Variants in CFHR1 observed in about 807,000 individuals in gnomAD.
The protein encoded by CFHR1 is complement factor H-related protein 1.
In CFHR1, 22 loss-of-function variants were observed where a neutral mutation model predicts 30.4. That is an observed-to-expected ratio of 0.72 (90% CI 0.52 to 1.03). The LOEUF is 1.03. Among genes scored for constraint, CFHR1 ranks in the 50% least tolerant of loss-of-function variants. The probability of loss-of-function intolerance (pLI) is 0.00; values close to 1 mark genes in which losing one functional copy is unlikely to be tolerated. For missense variants in CFHR1, 248 were observed against 380.6 expected (o/e 0.65, Z 2.90); for synonymous variants, 95 against 129.1 (o/e 0.74, Z 1.79).
rs1392170068 is a variant in CFHR1, at chr1:196,826,769, G to A, written c.254-60G>A. On this transcript the variant is annotated intron_variant, in intron 2 of 5. Coordinates refer to ENST00000320493, the MANE Select transcript of CFHR1 (RefSeq NM_002113.3). ...CCGGTTTATTAAAATATTTTAAAATGCAGTTGTACTTTTTCTTTGCTACTT... is the reference window on the plus strand; with the variant it reads ...CCGGTTTATTAAAATATTTTAAAATACAGTTGTACTTTTTCTTTGCTACTT... 5.1e-6 allele frequency: 7 copies of A among 1,363,688 alleles called. 1 individual carries two copies. In the African/African-American group the frequency reaches 7.4e-5, roughly 14 times the overall value. The allele number at this position is 1,363,688 out of a possible 1,614,324, so 84.5% of individuals were successfully genotyped here.
At position 196,823,101 on chromosome 1, in the gene CFHR1, ATGTGTGTG is replaced by A. The variant is rs778697156; in HGVS notation, c.59-2350_59-2343del. On this transcript the variant is annotated intron_variant, in intron 1 of 5. Transcript: ENST00000320493. ...TACGACTGTATATATATATATATAT[ATGTGTGTG>A]TGTGTGTGTGTGTGTGTGTGTGTGT... is the stretch of plus-strand genomic sequence containing the variant. Among the ~76,000 whole-genome samples the A allele has an allele frequency of 8.5e-4, 40 of 47,060 alleles. 9 individuals are homozygous for A. The highest frequency in any genetic ancestry group is 4.3e-3 in the African/African-American group (39 of 9,094). The allele number at this position is 47,060 out of a possible 152,430, so 30.9% of individuals were successfully genotyped here.
At chr1:196,823,083 G>GTATATA (rs533753280) in intron 1 of CFHR1, among the ~76,000 whole-genome samples, 2 of 119,292 alleles carry the variant, frequency 1.7e-5, no homozygotes, top group Non-Finnish European at 3.4e-5. Flanking sequence ...CTGTACGACT[G>GTATATA]TATATATATA....
intron 1 of CFHR1, among the ~76,000 whole-genome samples, chr1:196,824,004 A>T (rs569936698): frequency 1.0e-5 from 1 of 98,558 alleles, no homozygotes; most frequent in African/African-American, 5.1e-5. Context: ...ATGTATGTGT[A>T]CACAAAAAAA....
rs545190395 is a variant in CFHR1, at chr1:196,828,301, T to C, written c.607+55T>C. The C allele has an allele frequency of 1.8e-5, 20 of 1,134,912 alleles. 3 individuals carry two copies. Among genetic ancestry groups the C allele is most frequent in the East Asian group, 1.1e-4 (4 of 37,464 alleles). The allele number at this position is 1,134,912 out of a possible 1,614,324, so 70.3% of individuals were successfully genotyped here. A position where few individuals can be genotyped will look rare whatever the true frequency, so the allele number is the denominator to read the frequency against. On this transcript the variant is annotated intron_variant, in intron 4 of 5. Coordinates refer to ENST00000320493, the MANE Select transcript of CFHR1 (RefSeq NM_002113.3). ...GGGGGAGTATAGCAGGGTTAAAATATGTTGATTTAAACAAAATGAAGTCAT... is the reference window on the plus strand; with the variant it reads ...GGGGGAGTATAGCAGGGTTAAAATACGTTGATTTAAACAAAATGAAGTCAT...
chr1:196,827,070 T>C (rs1199513716), intron 3 of CFHR1, 65 bp downstream of exon 3: 1 of 1,409,634 alleles, frequency 7.1e-7, no homozygotes, highest in Non-Finnish European at 9.7e-7. Flanking sequence ...AATAAATCTT[T>C]TTTACAGGTT....
chr1:196,830,810 C>T lies in CFHR1; in HGVS notation c.790+128C>T. 7 of 1,283,220 alleles carry T rather than the reference C, an allele frequency of 5.5e-6. 2 individuals carry two copies. Among genetic ancestry groups the T allele is most frequent in the Non-Finnish European group, 7.5e-6 (7 of 927,346 alleles). 79.5% of individuals were successfully genotyped at this position (1,283,220 alleles called of 1,614,324 possible). A position where few individuals can be genotyped will look rare whatever the true frequency, so the allele number is the denominator to read the frequency against. ...CTGAATGCCTGCCTACCAAAAATTTCTTTTAGAAAGTAAAGTTTAGAAATT... is the reference window on the plus strand; with the variant it reads ...CTGAATGCCTGCCTACCAAAAATTTTTTTTAGAAAGTAAAGTTTAGAAATT... On this transcript the variant is annotated intron_variant, in intron 5 of 5. Transcript: ENST00000320493.
chr1:196,828,818 T>G (rs556358067), intron 4 of CFHR1, among the ~76,000 whole-genome samples: 1 of 131,668 alleles, frequency 7.6e-6, no homozygotes, highest in Non-Finnish European at 1.6e-5. Context: ...TTTCACTATT[T>G]TACTTAGACT....
Position 196,830,386 on chromosome 1 carries a change from G to A in CFHR1, c.608-114G>A, listed in dbSNP as rs1558215640. The A allele has an allele frequency of 8.3e-6, 10 of 1,200,698 alleles. 1 individual carries two copies. Among genetic ancestry groups the A allele is most frequent in the Non-Finnish European group, 1.2e-5 (10 of 851,036 alleles). The allele number at this position is 1,200,698 out of a possible 1,614,324, so 74.4% of individuals were successfully genotyped here. A position where few individuals can be genotyped will look rare whatever the true frequency, so the allele number is the denominator to read the frequency against. On this transcript the variant is annotated intron_variant, in intron 4 of 5. Coordinates refer to ENST00000320493, the MANE Select transcript of CFHR1 (RefSeq NM_002113.3). ...CTTCCAGGACTCATTTCTTTTACCAGAAATCACAAAACTGTTGATATTATA... is the reference window on the plus strand; with the variant it reads ...CTTCCAGGACTCATTTCTTTTACCAAAAATCACAAAACTGTTGATATTATA...
At chr1:196,827,301 G>T (rs532758928) in intron 3 of CFHR1, among the ~76,000 whole-genome samples, 1 of 134,422 alleles carries the variant, frequency 7.4e-6, no homozygotes, top group East Asian at 2.0e-4. Flanking sequence ...CAAAAATGTC[G>T]AAATAGAACC....
Position 196,829,741 on chromosome 1 carries a change from A to T in CFHR1, c.608-759A>T, listed in dbSNP as rs1190714108. 1.5e-5 allele frequency among the ~76,000 whole-genome samples: 2 copies of T among 134,520 alleles called. 1 individual carries two copies. Among genetic ancestry groups the T allele is most frequent in the African/African-American group, 6.3e-5 (2 of 31,518 alleles). 88.3% of individuals were successfully genotyped at this position (134,520 alleles called of 152,430 possible). A position where few individuals can be genotyped will look rare whatever the true frequency, so the allele number is the denominator to read the frequency against. The stretch of plus-strand genomic sequence containing the variant: ...TTCAAGGTATTTTTTTCTTTTTTTA[A>T]AGTAGTTTTATTTTAATGTATATTG... On this transcript the variant is annotated intron_variant, in intron 4 of 5. Transcript: ENST00000320493.
Position 196,821,997 on chromosome 1 carries a change from T to C in CFHR1, c.58+2095T>C, listed in dbSNP as rs1358414728. Among the ~76,000 whole-genome samples, 36 of 130,248 alleles carry C rather than the reference T, an allele frequency of 2.8e-4. 10 individuals are homozygous for C. The highest frequency in any genetic ancestry group is 1.2e-3 in the African/African-American group (34 of 29,432). The allele number at this position is 130,248 out of a possible 152,430, so 85.4% of individuals were successfully genotyped here. A position where few individuals can be genotyped will look rare whatever the true frequency, so the allele number is the denominator to read the frequency against. On this transcript the variant is annotated intron_variant, in intron 1 of 5. Coordinates refer to ENST00000320493, the MANE Select transcript of CFHR1 (RefSeq NM_002113.3). Reference sequence around the variant, plus strand: ...CAACTGTAGCACAATTGTAAGTATATGTTTATCTCAATATAGAAAAGTACA... The same window carrying C: ...CAACTGTAGCACAATTGTAAGTATACGTTTATCTCAATATAGAAAAGTACA...
chr1:196,831,806 T>C lies in CFHR1; in HGVS notation c.800T>C (p.Val267Ala), dbSNP rs1323346548. The change falls in exon 6 of 6, where the codon GTA becomes GCA. Residue 267 changes from valine to alanine, a missense_variant. Val to Ala is a moderately conservative substitution (Grantham distance 64). Around this residue, in one of 3 missense-constraint regions of CFHR1, gnomAD observed 112 missense variants for 156.4 expected, o/e 0.72. Coordinates refer to ENST00000320493, the MANE Select transcript of CFHR1 (RefSeq NM_002113.3). Reference protein sequence around the residue: ...SEPPKCLHPCVISREIMENYN... With the variant: ...SEPPKCLHPCAISREIMENYN... ...TGTTTTTTATTTTCAGATCCGTGTG[T>C]AATATCCCGAGAAATTATGGAAAAT... is the stretch of plus-strand genomic sequence containing the variant. The C allele has an allele frequency of 5.2e-6, 8 of 1,524,702 alleles. No individual in the cohort carries two copies. The highest frequency in any genetic ancestry group is 1.2e-5 in the South Asian group (1 of 80,212). 94.4% of individuals were successfully genotyped at this position (1,524,702 alleles called of 1,614,324 possible). A position where few individuals can be genotyped will look rare whatever the true frequency, so the allele number is the denominator to read the frequency against.
rs1381415744 is a variant in CFHR1 at position 196,831,892 on chromosome 1, G to A, written c.886G>A (p.Ala296Thr). The change falls in exon 6 of 6, where the codon GCT (alanine) becomes ACT (threonine). Residue 296 changes from alanine to threonine, a missense_variant. Ala to Thr is a moderately conservative substitution (Grantham distance 58). Around this residue, in one of 3 missense-constraint regions of CFHR1, gnomAD observed 112 missense variants for 156.4 expected, o/e 0.72. Coordinates refer to ENST00000320493, the MANE Select transcript of CFHR1 (RefSeq NM_002113.3). ...GCTTTATTTGAGAACAGGTGAATCAGCTGAATTTGTGTGTAAACGGGGATA... is the reference window on the plus strand; with the variant it reads ...GCTTTATTTGAGAACAGGTGAATCAACTGAATTTGTGTGTAAACGGGGATA... ...QKLYLRTGESAEFVCKRGYRL... is the reference protein window; with the variant it reads ...QKLYLRTGESTEFVCKRGYRL... 4 of 1,525,424 alleles carry A rather than the reference G, an allele frequency of 2.6e-6. 1 individual carries two copies. The highest frequency in any genetic ancestry group is 3.5e-6 in the Non-Finnish European group (4 of 1,129,490). The allele number at this position is 1,525,424 out of a possible 1,614,324, so 94.5% of individuals were successfully genotyped here.
chr1:196,830,991 G>T (rs1655535158), intron 5 of CFHR1, among the ~76,000 whole-genome samples: 1 of 132,590 alleles, frequency 7.5e-6, no homozygotes, highest in African/African-American at 3.3e-5. Flanking sequence ...ATAATAACCG[G>T]CATGGTGACG....
chr1:196,826,158 G>A, intron 2 of CFHR1: 1 of 140,650 alleles, frequency 7.1e-6, no homozygotes, highest in East Asian at 1.8e-4. Context: ...AATGATAACA[G>A]GTGTATTAAA....
In CFHR1 at chr1:196,824,615, G is replaced by T. The variant is rs1432816820; in HGVS notation, c.59-862G>T. On this transcript the variant is annotated intron_variant, in intron 1 of 5. Transcript: ENST00000320493. ...TTATAATACCTAATACAATGTAAATGCTGTAAAAATAGTTGTTATATTGTA... is the reference window on the plus strand; with the variant it reads ...TTATAATACCTAATACAATGTAAATTCTGTAAAAATAGTTGTTATATTGTA... Among the ~76,000 whole-genome samples, 2 of 130,350 alleles carry T rather than the reference G, an allele frequency of 1.5e-5. 1 individual carries two copies. The highest frequency in any genetic ancestry group is 6.7e-5 in the African/African-American group (2 of 29,750). The allele number at this position is 130,350 out of a possible 152,430, so 85.5% of individuals were successfully genotyped here. A position where few individuals can be genotyped will look rare whatever the true frequency, so the allele number is the denominator to read the frequency against.
intron 4 of CFHR1, among the ~76,000 whole-genome samples, chr1:196,830,129 C>A (rs1428849823): frequency 1.5e-5 from 2 of 134,672 alleles, no homozygotes; most frequent in Non-Finnish European, 3.1e-5. Flanking sequence ...TTTTAAGAAC[C>A]ATCATCAATT....
intron 4 of CFHR1, among the ~76,000 whole-genome samples, chr1:196,830,020 G>A (rs1655481843): frequency 1.5e-5 from 2 of 134,314 alleles, no homozygotes; most frequent in African/African-American, 6.4e-5. Context: ...TCAAGTTCAT[G>A]GATTTATTTG....
intron 1 of CFHR1, among the ~76,000 whole-genome samples, chr1:196,823,101 A>G (rs10922135): frequency 0.011 from 530 of 47,044 alleles, 69 homozygotes; most frequent in African/African-American, 0.02. Flanking sequence ...ATATATATAT[A>G]TGTGTGTGTG....
Sources: allele counts gnomAD v4.1 joint callset (sites outside exome capture counted in the v4.1 genomes callset), GRCh38; gene constraint gnomAD v4.1.1; regional missense constraint gnomAD v4.1.1; transcripts MANE v1.5; gene names NCBI Gene and HGNC (gene_info 2026-07-23, HGNC 2026-07-21).